The following GPATCH2 variants were observed in gnomAD, a reference collection of about 807,000 sequenced individuals.
GPATCH2 encodes the protein G patch domain-containing protein 2.
A neutral mutation model predicts 58.0 loss-of-function variants in GPATCH2; 51 were observed. The ratio of observed to expected loss-of-function variants is 0.88; its 90% CI spans 0.70 to 1.11. GPATCH2 has a LOEUF of 1.11. GPATCH2 is among the 50% of genes most tolerant of loss of function. GPATCH2 has a pLI of 0.00. For missense variants in GPATCH2, 625 were observed against 652.2 expected (o/e 0.96, Z 0.45); for synonymous variants, 222 against 218.5 (o/e 1.02, Z -0.14).
chr1:217,470,350 T>G (rs747447571), intron 8 of GPATCH2, among the ~76,000 whole-genome samples: 4 of 152,224 alleles, frequency 2.6e-5, no homozygotes, highest in Non-Finnish European at 5.9e-5. Context: ...TGAAAATATC[T>G]AGTTCATCTA....
Position 217,617,245 on chromosome 1 carries a change from A to G in GPATCH2, c.773+2538T>C, listed in dbSNP as rs1668930710. Among the ~76,000 whole-genome samples, 3 of 152,152 alleles carry G rather than the reference A, an allele frequency of 2.0e-5. No homozygotes were observed. The South Asian group carries it at 6.2e-4, about 32-fold the overall frequency. On this transcript the variant is annotated intron_variant, in intron 2 of 9. Transcript: ENST00000366935. ...ACAAAGTATGTATTTTCATTTCACAATTCATGCCTTTGCACAAGCTGCTCC... is the reference window on the plus strand; with the variant it reads ...ACAAAGTATGTATTTTCATTTCACAGTTCATGCCTTTGCACAAGCTGCTCC...
At chr1:217,592,725 T>A (rs1667647785) in intron 5 of GPATCH2, among the ~76,000 whole-genome samples, 1 of 151,936 alleles carries the variant, frequency 6.6e-6, no homozygotes, top group African/African-American at 2.4e-5. Flanking sequence ...AAAATCTTAT[T>A]AACCTGGAGG....
intron 5 of GPATCH2, among the ~76,000 whole-genome samples, chr1:217,599,036 G>GA (rs1362777294): frequency 1.3e-5 from 2 of 152,252 alleles, no homozygotes; most frequent in African/African-American, 4.8e-5. Context: ...TGAAGGACAC[G>GA]AATCTAGCAG....
intron 8 of GPATCH2, among the ~76,000 whole-genome samples, chr1:217,479,014 A>G (rs1306456417): frequency 6.6e-6 from 1 of 152,136 alleles, no homozygotes; most frequent in Non-Finnish European, 1.5e-5. Flanking sequence ...CTTTTACTCT[A>G]GAATAGTTTA....
intron 5 of GPATCH2, among the ~76,000 whole-genome samples, chr1:217,598,355 T>A (rs1286914122): frequency 6.6e-6 from 1 of 151,866 alleles, no homozygotes; most frequent in Non-Finnish European, 1.5e-5. Flanking sequence ...ACTATTGCAC[T>A]CAAGCCGGGG....
At chr1:217,560,926 T>C (rs1665897057) in intron 5 of GPATCH2, among the ~76,000 whole-genome samples, 1 of 152,234 alleles carries the variant, frequency 6.6e-6, no homozygotes, top group Admixed American at 6.5e-5. Context: ...ACTTTAAAAG[T>C]TGGCATAGAC....
At chr1:217,558,309 A>G (rs141858515) in intron 5 of GPATCH2, among the ~76,000 whole-genome samples, 42 of 152,326 alleles carry the variant, frequency 2.8e-4, no homozygotes, top group African/African-American at 8.7e-4. Flanking sequence ...CTTGAAATGT[A>G]GTGTATACTA....
intron 8 of GPATCH2, among the ~76,000 whole-genome samples, chr1:217,485,962 G>A (rs1159975931): frequency 2.0e-5 from 3 of 152,266 alleles, no homozygotes; most frequent in South Asian, 2.1e-4. Context: ...TTCAAATAAC[G>A]TAGTGTTAGC....
chr1:217,613,760 T>C (rs1409542046), intron 3 of GPATCH2, among the ~76,000 whole-genome samples: 1 of 152,142 alleles, frequency 6.6e-6, no homozygotes. Context: ...AAATGACAAA[T>C]GACTTGGAAA....
At chr1:217,484,685 A>G (rs1426227874) in intron 8 of GPATCH2, among the ~76,000 whole-genome samples, 2 of 150,142 alleles carry the variant, frequency 1.3e-5, no homozygotes, top group African/African-American at 4.9e-5. Flanking sequence ...GTATACACAT[A>G]TGAACATATA....
intron 6 of GPATCH2, among the ~76,000 whole-genome samples, chr1:217,508,192 T>C (rs1662655523): frequency 6.6e-6 from 1 of 152,134 alleles, no homozygotes; most frequent in African/African-American, 2.4e-5. Context: ...TCGATCTGTA[T>C]TTCTTATTTA....
chr1:217,610,464 G>GT, intron 4 of GPATCH2, 64 bp from the exon 5 acceptor site: 1 of 929,644 alleles, frequency 1.1e-6, no homozygotes, highest in Admixed American at 2.2e-5. Context: ...AAGAAGAAGA[G>GT]GATCCTATCA....
chr1:217,498,132 G>GT, intron 7 of GPATCH2: 1 of 617,488 alleles, frequency 1.6e-6, no homozygotes, highest in Non-Finnish European at 2.9e-6. Context: ...GAGGTCACAA[G>GT]TATGACTGAA....
In GPATCH2 at chr1:217,630,910, C is replaced by T. The variant is rs373973855; in HGVS notation, c.56+6G>A. ...ACCTCCCCCTCCCCAGGGCCGCCAG[C>T]CTCACCAGCTGTTCCCGGCTGCTGG... On this transcript the variant is annotated splice_donor_region_variant and intron_variant, in intron 1 of 9. Transcript: ENST00000366935. 1.7e-4 allele frequency: 265 copies of T among 1,586,026 alleles called. No homozygotes were observed. Among genetic ancestry groups the T allele is most frequent in the Non-Finnish European group, 2.0e-4 (239 of 1,171,060 alleles).
intron 5 of GPATCH2, among the ~76,000 whole-genome samples, chr1:217,536,542 G>A (rs954064481): frequency 6.6e-6 from 1 of 151,804 alleles, no homozygotes; most frequent in Non-Finnish European, 1.5e-5. Flanking sequence ...CTAATTTTTT[G>A]GAAATCCCAT....
chr1:217,491,566 A>G (rs1650195058), intron 8 of GPATCH2, 114 bp downstream of exon 8: 2 of 486,850 alleles, frequency 4.1e-6, no homozygotes, highest in African/African-American at 4.0e-5. Flanking sequence ...AATACATAAA[A>G]TATTTTAAGG....
rs1665754103 is a variant in GPATCH2 at position 217,558,499 on chromosome 1, A to T, written c.1099-43610T>A. On this transcript the variant is annotated intron_variant, in intron 5 of 9. Coordinates refer to ENST00000366935, the MANE Select transcript of GPATCH2 (RefSeq NM_018040.5). Reference sequence around the variant, plus strand: ...ACTACATGCATCCAACTGATTACGAAAAAGTCAAGAACCAATCTAAGAAGT... The same window carrying T: ...ACTACATGCATCCAACTGATTACGATAAAGTCAAGAACCAATCTAAGAAGT... 2.0e-5 allele frequency among the ~76,000 whole-genome samples: 3 copies of T among 152,176 alleles called. No individual in the cohort carries two copies. In the South Asian group the frequency reaches 6.2e-4, roughly 31 times the overall value.
chr1:217,565,276 G>T (rs1666162812), intron 5 of GPATCH2, among the ~76,000 whole-genome samples: 1 of 152,048 alleles, frequency 6.6e-6, no homozygotes, highest in South Asian at 2.1e-4. Context: ...AAGGGCAAGT[G>T]CATTTATTTA....
chr1:217,607,253 G>A (rs185246510), intron 5 of GPATCH2, among the ~76,000 whole-genome samples: 11 of 152,220 alleles, frequency 7.2e-5, no homozygotes, highest in African/African-American at 2.2e-4. Flanking sequence ...TGAGTTGCCC[G>A]ACATACACGT....
Sources: gnomAD v4.1 joint callset for allele counts (sites outside exome capture counted in the v4.1 genomes callset) on GRCh38, gnomAD v4.1.1 for gene constraint, MANE v1.5 for transcripts, NCBI Gene and HGNC (gene_info 2026-07-23, HGNC 2026-07-21) for gene names.